PDE4D: variants seen among roughly 807,000 people sequenced by gnomAD.
PDE4D encodes phosphodiesterase 4D.
Under a neutral mutation model 87.4 loss-of-function variants are expected in PDE4D, and 24 were observed. The observed-to-expected ratio is 0.27, with a 90% CI of 0.20 to 0.39. The LOEUF is 0.39. Among genes scored for constraint, PDE4D ranks in the 10% least tolerant of loss-of-function variants. PDE4D has a pLI of 1.00. For synonymous variants in PDE4D, 384 were observed against 383.2 expected (o/e 1.00, Z -0.02); for missense variants, 714 against 1,041.0 (o/e 0.69, Z 4.32).
At chr5:59,002,555 G>A (rs549662576) in intron 6 of PDE4D, among the ~76,000 whole-genome samples, 1 of 152,046 alleles carries the variant, frequency 6.6e-6, no homozygotes, top group African/African-American at 2.4e-5. Flanking sequence ...TTCACAGACA[G>A]TGAAGAGAGA....
chr5:60,203,253 G>A (rs1047380111), intron 1 of PDE4D, among the ~76,000 whole-genome samples: 1 of 152,194 alleles, frequency 6.6e-6, no homozygotes, highest in Non-Finnish European at 1.5e-5. Context: ...TTACAGGCAT[G>A]AGCCACCATG....
intron 11 of PDE4D, among the ~76,000 whole-genome samples, chr5:58,977,681 T>G (rs565059404): frequency 1.3e-5 from 2 of 152,174 alleles, no homozygotes; most frequent in Non-Finnish European, 2.9e-5. Flanking sequence ...TTAGTATCTA[T>G]AACACATCCA....
chr5:59,128,036 G>A (rs994373194), intron 5 of PDE4D, among the ~76,000 whole-genome samples: 7 of 151,298 alleles, frequency 4.6e-5, no homozygotes, highest in Non-Finnish European at 1.0e-4. Context: ...GTGTGTGTGT[G>A]TGTGTGTGTG....
intron 2 of PDE4D, among the ~76,000 whole-genome samples, chr5:60,128,710 C>T (rs1665921459): frequency 6.6e-6 from 1 of 152,186 alleles, no homozygotes; most frequent in African/African-American, 2.4e-5. Flanking sequence ...ACTACTCTAA[C>T]TGATACACTG....
chr5:59,852,081 C>T (rs559166428), intron 1 of PDE4D, among the ~76,000 whole-genome samples: 5 of 152,056 alleles, frequency 3.3e-5, no homozygotes, highest in South Asian at 4.2e-4. Flanking sequence ...TCTTGGACTT[C>T]GAGCTGATGC....
At chr5:60,400,867 G>A (rs999983645) in intron 1 of PDE4D, among the ~76,000 whole-genome samples, 3 of 152,214 alleles carry the variant, frequency 2.0e-5, no homozygotes, top group African/African-American at 4.8e-5. Flanking sequence ...GGGAGGCACA[G>A]GTTGCAGTGA....
chr5:59,150,966 TATAA>T (rs1284155330), intron 5 of PDE4D, among the ~76,000 whole-genome samples: 3 of 152,090 alleles, frequency 2.0e-5, no homozygotes, highest in African/African-American at 7.2e-5. Context: ...AGACCAGATA[TATAA>T]ATAAACAAAG....
chr5:59,662,159 G>T (rs1272588715), intron 1 of PDE4D, among the ~76,000 whole-genome samples: 2 of 152,132 alleles, frequency 1.3e-5, no homozygotes, highest in Admixed American at 1.3e-4. Flanking sequence ...CTGTACTCTG[G>T]GCAAGGTTGA....
chr5:60,520,426 A>T (rs1470994648), intron 1 of PDE4D, among the ~76,000 whole-genome samples: 1 of 152,008 alleles, frequency 6.6e-6, no homozygotes, highest in South Asian at 2.1e-4. Context: ...TCCCTCCCCA[A>T]ATCCTTCTCT....
chr5:60,366,382 T>G (rs182583454), intron 1 of PDE4D, among the ~76,000 whole-genome samples: 4 of 152,238 alleles, frequency 2.6e-5, no homozygotes, highest in South Asian at 4.1e-4. Context: ...ATACACCAAG[T>G]GTCTTCAAAG....
intron 1 of PDE4D, among the ~76,000 whole-genome samples, chr5:59,681,163 AAAACC>A (rs1339230280): frequency 6.6e-6 from 1 of 152,160 alleles, no homozygotes; most frequent in Non-Finnish European, 1.5e-5. Context: ...TCTCATATCT[AAAACC>A]AAAAAGTAAA....
intron 1 of PDE4D, among the ~76,000 whole-genome samples, chr5:59,532,246 T>C (rs970105541): frequency 6.6e-6 from 1 of 152,152 alleles, no homozygotes; most frequent in Non-Finnish European, 1.5e-5. Flanking sequence ...GCCATTCTCC[T>C]GCCTCAGCCT....
intron 1 of PDE4D, among the ~76,000 whole-genome samples, chr5:59,628,684 G>T (rs73758834): frequency 0.019 from 2,899 of 152,148 alleles, 95 homozygotes; most frequent in African/African-American, 0.066. Context: ...AGACTAGTGT[G>T]GGGGATAGAA....
At chr5:59,480,938 A>G (rs1389228925) in intron 1 of PDE4D, among the ~76,000 whole-genome samples, 1 of 152,148 alleles carries the variant, frequency 6.6e-6, no homozygotes, top group Non-Finnish European at 1.5e-5. Flanking sequence ...TTGCAGAGTA[A>G]CCAGGACAGC....
intron 1 of PDE4D, among the ~76,000 whole-genome samples, chr5:59,251,419 T>C (rs984206443): frequency 1.3e-5 from 2 of 151,918 alleles, no homozygotes; most frequent in Admixed American, 1.3e-4. Context: ...CCAACAAGCA[T>C]ATGAAAAAAC....
intron 2 of PDE4D, among the ~76,000 whole-genome samples, chr5:60,146,292 T>A (rs1010722850): frequency 6.6e-6 from 1 of 152,232 alleles, no homozygotes; most frequent in Non-Finnish European, 1.5e-5. Flanking sequence ...TGGTAGTAGA[T>A]GTTCTATAAA....
chr5:59,731,939 G>A (rs1757415386), intron 1 of PDE4D, among the ~76,000 whole-genome samples: 1 of 152,114 alleles, frequency 6.6e-6, no homozygotes, highest in African/African-American at 2.4e-5. Context: ...ATGGACACCA[G>A]TTGTCATGCT....
chr5:59,392,105 C>T (rs1392779143), intron 1 of PDE4D, among the ~76,000 whole-genome samples: 1 of 151,628 alleles, frequency 6.6e-6, no homozygotes, highest in Non-Finnish European at 1.5e-5. Flanking sequence ...CATAGTATGC[C>T]TTCTGTGATA....
At chr5:59,153,877 G>C (rs1779796554) in intron 5 of PDE4D, among the ~76,000 whole-genome samples, 1 of 152,078 alleles carries the variant, frequency 6.6e-6, no homozygotes, top group African/African-American at 2.4e-5. Flanking sequence ...CTGAGGAAGG[G>C]GACTGGGCTT....
Sources: gnomAD v4.1 joint callset for allele counts (sites outside exome capture counted in the v4.1 genomes callset) on GRCh38, gnomAD v4.1.1 for gene constraint, MANE v1.5 for transcripts, NCBI Gene and HGNC (gene_info 2026-07-23, HGNC 2026-07-21) for gene names.